AHCYL2: variants seen among roughly 807,000 people sequenced by gnomAD.
The protein encoded by AHCYL2 is S-adenosylhomocysteine hydrolase-like protein 2.
In AHCYL2, 28 loss-of-function variants were observed where a neutral mutation model predicts 81.4. The observed-to-expected ratio is 0.34, with a 90% CI of 0.25 to 0.47. AHCYL2 has a LOEUF of 0.47. AHCYL2 is among the 20% of genes least tolerant of loss of function. AHCYL2 has a pLI of 1.00. For synonymous variants in AHCYL2, 272 were observed against 290.2 expected (o/e 0.94, Z 0.64); for missense variants, 551 against 785.1 (o/e 0.70, Z 3.56).
chr7:129,342,269 C>A (rs1028920406), intron 1 of AHCYL2, among the ~76,000 whole-genome samples: 4 of 152,088 alleles, frequency 2.6e-5, no homozygotes, highest in African/African-American at 9.7e-5. Flanking sequence ...GACTCCTCCT[C>A]CCCATTAACT....
In AHCYL2 at chr7:129,281,221, A is replaced by T. The variant is rs577260633; in HGVS notation, c.363+55782A>T. 2.0e-5 allele frequency among the ~76,000 whole-genome samples: 3 copies of T among 152,060 alleles called. No individual in the cohort carries two copies. The South Asian group carries it at 6.2e-4, about 32-fold the overall frequency. On this transcript the variant is annotated intron_variant, in intron 1 of 16. Transcript: ENST00000325006. ...CTATTCTTAGGGTAAATTTCACTTG[A>T]TTGTGATGTATTCTTTTTATATATT...
At chr7:129,343,637 G>A (rs1312409355) in intron 1 of AHCYL2, among the ~76,000 whole-genome samples, 1 of 151,998 alleles carries the variant, frequency 6.6e-6, no homozygotes, top group African/African-American at 2.4e-5. Context: ...ATACTGTTTG[G>A]GGGCAAAGTG....
At chr7:129,299,801 T>C (rs528608418) in intron 1 of AHCYL2, among the ~76,000 whole-genome samples, 1 of 152,312 alleles carries the variant, frequency 6.6e-6, no homozygotes, top group South Asian at 2.1e-4. Flanking sequence ...CAGAACTTTG[T>C]ATATGTGGAA....
chr7:129,352,009 G>T (rs948053739), intron 1 of AHCYL2, among the ~76,000 whole-genome samples: 4 of 150,596 alleles, frequency 2.7e-5, no homozygotes, highest in Non-Finnish European at 4.4e-5. Flanking sequence ...CCATTAAAAT[G>T]ATTAGTTTTA....
chr7:129,345,206 G>A (rs1175014951), intron 1 of AHCYL2, among the ~76,000 whole-genome samples: 1 of 152,160 alleles, frequency 6.6e-6, no homozygotes, highest in Non-Finnish European at 1.5e-5. Flanking sequence ...TATGAGGTTT[G>A]CCTGGTGATT....
chr7:129,414,362 C>CA (rs1796738817), intron 12 of AHCYL2, among the ~76,000 whole-genome samples: 1 of 150,934 alleles, frequency 6.6e-6, no homozygotes, highest in Admixed American at 6.6e-5. Context: ...TTTTCCAATC[C>CA]AAAATAGCAC....
At chr7:129,357,399 AGTT>A (rs1291812368) in intron 1 of AHCYL2, among the ~76,000 whole-genome samples, 2 of 152,220 alleles carry the variant, frequency 1.3e-5, no homozygotes, top group Admixed American at 1.3e-4. Context: ...TATTTTTGCA[AGTT>A]GTTTCTAAGT....
At chr7:129,395,482 G>A (rs1000924601) in intron 4 of AHCYL2, among the ~76,000 whole-genome samples, 66 of 152,166 alleles carry the variant, frequency 4.3e-4, no homozygotes, top group African/African-American at 1.5e-3. Flanking sequence ...TGCCCTTCCT[G>A]GAGAGCTGGA....
In AHCYL2 at chr7:129,428,827, A is replaced by G. The variant is rs1488582950; in HGVS notation, c.*1782A>G. ...TAGACTACAGTTCTTCAGAGGCCATATGTCTCAGCAAGTACTGGTTATATT... is the reference window on the plus strand; with the variant it reads ...TAGACTACAGTTCTTCAGAGGCCATGTGTCTCAGCAAGTACTGGTTATATT... On this transcript the variant is annotated 3_prime_UTR_variant, in exon 17 of 17. Transcript: ENST00000325006. 6.6e-6 allele frequency: 1 copy of G among 152,164 alleles called. No homozygotes were observed. The highest frequency in any genetic ancestry group is 2.4e-5 in the African/African-American group (1 of 41,400). 9.4% of individuals were successfully genotyped at this position (152,164 alleles called of 1,614,324 possible). A position where few individuals can be genotyped will look rare whatever the true frequency, so the allele number is the denominator to read the frequency against.
intron 1 of AHCYL2, among the ~76,000 whole-genome samples, chr7:129,289,368 G>A (rs1182514144): frequency 2.0e-5 from 3 of 152,282 alleles, no homozygotes; most frequent in Middle Eastern, 3.4e-3. Context: ...TTGAGATTGC[G>A]GGCGCAAGCC....
intron 1 of AHCYL2, among the ~76,000 whole-genome samples, chr7:129,266,561 A>T (rs1187443460): frequency 6.6e-6 from 1 of 152,156 alleles, no homozygotes; most frequent in African/African-American, 2.4e-5. Flanking sequence ...ACCTTGGGAG[A>T]ACCCTGAACT....
intron 9 of AHCYL2, 38 bp downstream of exon 9, chr7:129,405,937 G>A (rs1245810595): frequency 6.3e-7 from 1 of 1,588,330 alleles, no homozygotes; most frequent in Non-Finnish European, 8.6e-7. Flanking sequence ...TGTTTTAAAT[G>A]GATTTTGTTG....
rs536060870 is a variant in AHCYL2, at chr7:129,402,117, A to C, written c.919-1262A>C. 4.6e-5 allele frequency among the ~76,000 whole-genome samples: 7 copies of C among 152,332 alleles called. No individual in the cohort carries two copies. In the South Asian group the frequency reaches 1.5e-3, roughly 32 times the overall value. ...AGTTGTTCAATCTCTCTTGTCTCTT[A>C]TCTTTTCTGTGGAAGGGAAAACTTC... is the stretch of plus-strand genomic sequence containing the variant. On this transcript the variant is annotated intron_variant, in intron 6 of 16. Coordinates refer to ENST00000325006, the MANE Select transcript of AHCYL2 (RefSeq NM_015328.4).
chr7:129,287,478 G>C (rs974092360), intron 1 of AHCYL2, among the ~76,000 whole-genome samples: 3 of 152,192 alleles, frequency 2.0e-5, no homozygotes, highest in Non-Finnish European at 2.9e-5. Context: ...AAAACTCCAA[G>C]CACTGTACCG....
At chr7:129,410,303 C>T (rs1012277158) in intron 11 of AHCYL2, 42 of 1,614,048 alleles carry the variant, frequency 2.6e-5, no homozygotes, top group Non-Finnish European at 3.3e-5. Context: ...CAGGTCCTTT[C>T]GAATGTTCTC....
intron 1 of AHCYL2, among the ~76,000 whole-genome samples, chr7:129,248,965 TA>T (rs1563166015): frequency 6.6e-6 from 1 of 151,502 alleles, no homozygotes; most frequent in East Asian, 1.9e-4. Flanking sequence ...TACAATTTTT[TA>T]AAATTGTGGT....
intron 1 of AHCYL2, among the ~76,000 whole-genome samples, chr7:129,261,901 A>G (rs920397187): frequency 6.6e-6 from 1 of 152,100 alleles, no homozygotes; most frequent in Non-Finnish European, 1.5e-5. Flanking sequence ...AACCATTTGC[A>G]TTCTCTTTTC....
intron 1 of AHCYL2, among the ~76,000 whole-genome samples, chr7:129,337,164 A>G (rs1042505192): frequency 9.9e-5 from 15 of 152,126 alleles, no homozygotes; most frequent in Non-Finnish European, 7.3e-5. Context: ...CTTCTCCCCT[A>G]CTTGCCCAGT....
intron 1 of AHCYL2, among the ~76,000 whole-genome samples, chr7:129,232,554 CCCGCCAT>C (rs1481901919): frequency 1.3e-5 from 2 of 152,202 alleles, no homozygotes; most frequent in Non-Finnish European, 2.9e-5. Flanking sequence ...TCAGTCACTA[CCCGCCAT>C]CCGCCATCCA....
Sources: gnomAD v4.1 joint callset for allele counts (sites outside exome capture counted in the v4.1 genomes callset) on GRCh38, gnomAD v4.1.1 for gene constraint, MANE v1.5 for transcripts, NCBI Gene and HGNC (gene_info 2026-07-23, HGNC 2026-07-21) for gene names.